TRABD2B: variants seen among roughly 807,000 people sequenced by gnomAD.
The protein encoded by TRABD2B is TraB domain containing 2B, also known as metalloprotease TIKI2.
TRABD2B carries 14 observed loss-of-function variants against 40.1 expected under a neutral mutation model. The observed-to-expected ratio is 0.35, with a 90% CI of 0.23 to 0.55. The LOEUF (loss-of-function observed/expected upper bound fraction) is 0.55, where lower values mean the gene tolerates loss of function less well. Among genes scored for constraint, TRABD2B ranks in the 20% least tolerant of loss-of-function variants. The pLI is 0.90. For missense variants in TRABD2B, 541 were observed against 648.6 expected (o/e 0.83, Z 1.80); for synonymous variants, 263 against 277.0 (o/e 0.95, Z 0.50).
intron 2 of TRABD2B, among the ~76,000 whole-genome samples, chr1:47,902,909 T>G (rs1183401143): frequency 2.6e-5 from 4 of 152,222 alleles, no homozygotes; most frequent in African/African-American, 9.6e-5. Context: ...GACTAGTAGC[T>G]ATCATATTTG....
At chr1:47,920,322 A>C (rs1284838290) in intron 2 of TRABD2B, among the ~76,000 whole-genome samples, 1 of 152,218 alleles carries the variant, frequency 6.6e-6, no homozygotes, top group Non-Finnish European at 1.5e-5. Flanking sequence ...TCCCTGGCTT[A>C]ATCCCCGTCA....
At chr1:47,915,539 A>G (rs1644819712) in intron 2 of TRABD2B, among the ~76,000 whole-genome samples, 1 of 152,190 alleles carries the variant, frequency 6.6e-6, no homozygotes, top group African/African-American at 2.4e-5. Flanking sequence ...AGTAAAGTAA[A>G]GTTCCAAGAG....
intron 2 of TRABD2B, among the ~76,000 whole-genome samples, chr1:47,989,809 C>A (rs529265861): frequency 5.3e-5 from 8 of 151,824 alleles, no homozygotes; most frequent in Non-Finnish European, 1.0e-4. Context: ...GAAATGTCAT[C>A]TAATAAAAAC....
chr1:47,842,612 C>T (rs1320175013), intron 2 of TRABD2B, among the ~76,000 whole-genome samples: 1 of 152,150 alleles, frequency 6.6e-6, no homozygotes, highest in Non-Finnish European at 1.5e-5. Flanking sequence ...AGATTCAGTC[C>T]CCAGTGTGGG....
At chr1:47,915,945 C>G (rs1644824935) in intron 2 of TRABD2B, among the ~76,000 whole-genome samples, 1 of 152,168 alleles carries the variant, frequency 6.6e-6, no homozygotes, top group Non-Finnish European at 1.5e-5. Flanking sequence ...TCATTGCTGG[C>G]CCCTGTGGCT....
intron 2 of TRABD2B, among the ~76,000 whole-genome samples, chr1:47,971,933 A>G (rs1490912658): frequency 1.3e-5 from 2 of 152,302 alleles, no homozygotes; most frequent in East Asian, 3.9e-4. Flanking sequence ...CATGGAGCAC[A>G]AACAGATGAA....
intron 2 of TRABD2B, among the ~76,000 whole-genome samples, chr1:47,924,542 C>T (rs1289048061): frequency 2.0e-5 from 3 of 152,146 alleles, no homozygotes; most frequent in Non-Finnish European, 4.4e-5. Flanking sequence ...GGAACAGATG[C>T]ACCCAGCCCT....
intron 2 of TRABD2B, among the ~76,000 whole-genome samples, chr1:47,933,676 C>T (rs2148346098): frequency 6.6e-6 from 1 of 152,306 alleles, no homozygotes; most frequent in East Asian, 1.9e-4. Flanking sequence ...AACTCTTGCA[C>T]ACACTGCTCT....
intron 2 of TRABD2B, among the ~76,000 whole-genome samples, chr1:47,992,435 G>A (rs892879007): frequency 1.3e-5 from 2 of 152,214 alleles, no homozygotes; most frequent in Non-Finnish European, 2.9e-5. Context: ...GACAGGGGCT[G>A]CTTAGCCAGA....
At chr1:47,992,510 G>C (rs1646026588) in intron 2 of TRABD2B, among the ~76,000 whole-genome samples, 2 of 152,180 alleles carry the variant, frequency 1.3e-5, no homozygotes, top group Non-Finnish European at 2.9e-5. Flanking sequence ...AGAGTGTTGA[G>C]AGTGATGGTG....
At chr1:47,798,504 G>A (rs1193678861) in intron 3 of TRABD2B, among the ~76,000 whole-genome samples, 2 of 152,198 alleles carry the variant, frequency 1.3e-5, no homozygotes, top group African/African-American at 4.8e-5. Context: ...ATTGCTGCAG[G>A]TGGGGACAGT....
chr1:47,777,724 G>A (rs181981637), intron 5 of TRABD2B, among the ~76,000 whole-genome samples: 15 of 152,296 alleles, frequency 9.8e-5, no homozygotes, highest in African/African-American at 3.4e-4. Flanking sequence ...GCTGGAGCAC[G>A]AGCTGCATGG....
intron 2 of TRABD2B, among the ~76,000 whole-genome samples, chr1:47,920,835 A>G (rs1481194555): frequency 6.6e-6 from 1 of 152,172 alleles, no homozygotes; most frequent in Non-Finnish European, 1.5e-5. Flanking sequence ...AGGACCTCTT[A>G]GACATCATGT....
chr1:47,976,788 A>G (rs192351519), intron 2 of TRABD2B, among the ~76,000 whole-genome samples: 42 of 152,336 alleles, frequency 2.8e-4, no homozygotes, highest in Non-Finnish European at 4.7e-4. Context: ...CAGAAGAATG[A>G]ATGAGTGTAT....
intron 2 of TRABD2B, among the ~76,000 whole-genome samples, chr1:47,967,060 G>A (rs1339807255): frequency 1.3e-5 from 2 of 152,122 alleles, no homozygotes; most frequent in African/African-American, 4.8e-5. Flanking sequence ...AAATCCCCTT[G>A]ACCATGTGCT....
intron 2 of TRABD2B, among the ~76,000 whole-genome samples, chr1:47,962,061 T>G (rs1322002638): frequency 1.3e-5 from 2 of 152,074 alleles, no homozygotes; most frequent in Admixed American, 1.3e-4. Context: ...ATGTCCTTTG[T>G]AGGGACATGG....
chr1:47,804,414 T>C (rs12093241), intron 2 of TRABD2B, among the ~76,000 whole-genome samples: 96,872 of 152,038 alleles, frequency 0.64, 31,345 homozygotes, highest in East Asian at 0.96. Flanking sequence ...CCGCTCTCCT[T>C]CCCTGGGGGC....
chr1:47,842,092 C>A (rs1382533886), intron 2 of TRABD2B, among the ~76,000 whole-genome samples: 1 of 152,196 alleles, frequency 6.6e-6, no homozygotes, highest in South Asian at 2.1e-4. Context: ...TTCTCCTTTG[C>A]CTTGTTTGAT....
intron 2 of TRABD2B, among the ~76,000 whole-genome samples, chr1:47,830,296 G>C (rs1403202224): frequency 2.0e-5 from 3 of 152,248 alleles, no homozygotes; most frequent in Non-Finnish European, 4.4e-5. Flanking sequence ...TGAAAGACAA[G>C]TTGCCTGTGA....
Sources: gnomAD v4.1 joint callset for allele counts (sites outside exome capture counted in the v4.1 genomes callset) on GRCh38, gnomAD v4.1.1 for gene constraint, MANE v1.5 for transcripts, NCBI Gene and HGNC (gene_info 2026-07-23, HGNC 2026-07-21) for gene names.